The following NME7 variants were observed in gnomAD, a reference collection of about 807,000 sequenced individuals.
NME7 encodes NME/NM23 family member 7.
A neutral mutation model predicts 49.1 loss-of-function variants in NME7; 41 were observed. That is an observed-to-expected ratio of 0.83 (90% CI 0.65 to 1.08). The LOEUF (loss-of-function observed/expected upper bound fraction) is 1.08, where lower values mean the gene tolerates loss of function less well. NME7 is among the 50% of genes least tolerant of loss of function. NME7 has a pLI of 0.00. For synonymous variants in NME7, 139 were observed against 150.6 expected (o/e 0.92, Z 0.56); for missense variants, 423 against 463.4 (o/e 0.91, Z 0.80).
intron 9 of NME7, among the ~76,000 whole-genome samples, chr1:169,231,180 C>A (rs905417555): frequency 7.9e-5 from 12 of 152,094 alleles, no homozygotes; most frequent in African/African-American, 2.7e-4. Context: ...CCTAAAAAAC[C>A]TTTTAAAAAT....
At chr1:169,178,783 C>T (rs1330381605) in intron 10 of NME7, among the ~76,000 whole-genome samples, 2 of 150,568 alleles carry the variant, frequency 1.3e-5, no homozygotes, top group African/African-American at 4.9e-5. Context: ...CCTCCAAAGT[C>T]ACCTATAATC....
chr1:169,245,847 G>A (rs1033759447), intron 7 of NME7, among the ~76,000 whole-genome samples: 7 of 152,062 alleles, frequency 4.6e-5, no homozygotes, highest in Non-Finnish European at 7.4e-5. Flanking sequence ...TCAACAGAAG[G>A]AATTTAATAC....
Position 169,258,399 on chromosome 1 carries a change from T to TAC in NME7, c.755-20713_755-20712insGT, listed in dbSNP as rs1432435705. ...ACATATATATATATATATATATATA[T>TAC]ATATATACACACACACACACACACA... is the stretch of plus-strand genomic sequence containing the variant. On this transcript the variant is annotated intron_variant, in intron 7 of 11. Transcript: ENST00000367811. Among the ~76,000 whole-genome samples, 23 of 68,626 alleles carry TAC rather than the reference T, an allele frequency of 3.4e-4. 4 individuals are homozygous for TAC. Among genetic ancestry groups the TAC allele is most frequent in the Non-Finnish European group, 2.3e-4 (8 of 35,450 alleles). 45.0% of individuals were successfully genotyped at this position (68,626 alleles called of 152,430 possible). A position where few individuals can be genotyped will look rare whatever the true frequency, so the allele number is the denominator to read the frequency against.
intron 6 of NME7, among the ~76,000 whole-genome samples, chr1:169,294,771 A>G (rs1016436278): frequency 2.0e-5 from 3 of 152,230 alleles, no homozygotes. Flanking sequence ...AAAAAATTAA[A>G]TGCACAAAAT....
intron 11 of NME7, chr1:169,169,001 G>A: frequency 2.3e-6 from 1 of 431,880 alleles, no homozygotes; most frequent in Non-Finnish European, 4.6e-6. Context: ...TATGGTGATG[G>A]TATAGTCACC....
intron 10 of NME7, among the ~76,000 whole-genome samples, chr1:169,183,410 A>G (rs1487947172): frequency 2.0e-5 from 3 of 152,222 alleles, no homozygotes; most frequent in East Asian, 3.8e-4. Context: ...ACATCTTTAT[A>G]TATGATCTTG....
chr1:169,253,042 C>T (rs1174924696), intron 7 of NME7, among the ~76,000 whole-genome samples: 18 of 151,112 alleles, frequency 1.2e-4, no homozygotes, highest in African/African-American at 3.4e-4. Flanking sequence ...CTTGGCGATG[C>T]GGGCTCTTTT....
chr1:169,230,930 C>T (rs771480519), intron 9 of NME7, 111 bp from the exon 10 acceptor site: 7 of 581,054 alleles, frequency 1.2e-5, no homozygotes, highest in Non-Finnish European at 2.0e-5. Context: ...GACTTCTTCC[C>T]CACTTATATC....
intron 10 of NME7, among the ~76,000 whole-genome samples, chr1:169,203,790 T>C (rs970209984): frequency 3.9e-5 from 6 of 152,110 alleles, no homozygotes; most frequent in Non-Finnish European, 7.4e-5. Context: ...TAATGATGGT[T>C]AGCAAAGGAG....
chr1:169,189,306 TCTTAAAA>T (rs1424577797), intron 10 of NME7, among the ~76,000 whole-genome samples: 1 of 150,288 alleles, frequency 6.7e-6, no homozygotes, highest in Non-Finnish European at 1.5e-5. Flanking sequence ...TTACATGCAC[TCTTAAAA>T]CAATGAATGT....
At chr1:169,145,497 G>A (rs112935834) in intron 11 of NME7, among the ~76,000 whole-genome samples, 1,719 of 152,276 alleles carry the variant, frequency 0.011, 14 homozygotes, top group Non-Finnish European at 0.019. Context: ...CGGGGTGGAG[G>A]TGAGGACAGA....
At chr1:169,238,477 G>GCA (rs138287537) in intron 7 of NME7, among the ~76,000 whole-genome samples, 15,882 of 123,878 alleles carry the variant, frequency 0.13, 919 homozygotes, top group Admixed American at 0.21. Context: ...ATGCACAAAG[G>GCA]CACACACACA....
intron 1 of NME7, among the ~76,000 whole-genome samples, chr1:169,325,773 TGACACTTTTATTTTTAA>T (rs1652038848): frequency 6.6e-6 from 1 of 152,144 alleles, no homozygotes; most frequent in Admixed American, 6.5e-5. Context: ...ATAACGTAGA[TGACACTTTTATTTTTAA>T]GACACTTTTA....
Position 169,275,895 on chromosome 1 carries a change from AG to A in NME7, c.754+11407del, listed in dbSNP as rs1286016902. ...AATTTATTGAGAGTTTTTAGCATGA[AG>A]GGTTGTTGAATTTTGTCAAAGGCCT... On this transcript the variant is annotated intron_variant, in intron 7 of 11. Coordinates refer to ENST00000367811, the MANE Select transcript of NME7 (RefSeq NM_013330.5). Among the ~76,000 whole-genome samples the A allele has an allele frequency of 8.2e-5, 11 of 133,650 alleles. 2 individuals are homozygous for A. Among genetic ancestry groups the A allele is most frequent in the African/African-American group, 2.8e-4 (11 of 39,596 alleles). The allele number at this position is 133,650 out of a possible 152,430, so 87.7% of individuals were successfully genotyped here.
intron 1 of NME7, among the ~76,000 whole-genome samples, chr1:169,367,496 C>G (rs1653919153): frequency 6.6e-6 from 1 of 152,150 alleles, no homozygotes; most frequent in Non-Finnish European, 1.5e-5. Context: ...TTTCATTACT[C>G]TAGAGACTTA....
At chr1:169,164,885 A>AT (rs1659363665) in intron 11 of NME7, among the ~76,000 whole-genome samples, 1 of 152,242 alleles carries the variant, frequency 6.6e-6, no homozygotes, top group Non-Finnish European at 1.5e-5. Flanking sequence ...GTCACCAGCT[A>AT]TATGAGGGTA....
chr1:169,306,496 A>G (rs1651176559), intron 4 of NME7, among the ~76,000 whole-genome samples: 1 of 152,178 alleles, frequency 6.6e-6, no homozygotes, highest in African/African-American at 2.4e-5. Flanking sequence ...TAGGAATTAT[A>G]AGGAGAGAAT....
At chr1:169,314,983 T>A (rs1651560999) in intron 3 of NME7, among the ~76,000 whole-genome samples, 1 of 152,038 alleles carries the variant, frequency 6.6e-6, no homozygotes, top group African/African-American at 2.4e-5. Flanking sequence ...AATAAAAGAT[T>A]CAATTTACCA....
chr1:169,343,324 T>A (rs946254713), intron 1 of NME7, among the ~76,000 whole-genome samples: 2 of 152,074 alleles, frequency 1.3e-5, no homozygotes, highest in Admixed American at 6.6e-5. Flanking sequence ...TCTTTCTACA[T>A]GTAGATATAT....
Sources: allele counts gnomAD v4.1 joint callset (sites outside exome capture counted in the v4.1 genomes callset), GRCh38; gene constraint gnomAD v4.1.1; transcripts MANE v1.5; gene names NCBI Gene and HGNC (gene_info 2026-07-23, HGNC 2026-07-21).